PDE4D: variants seen among roughly 807,000 people sequenced by gnomAD.
PDE4D encodes phosphodiesterase 4D, also known as 3',5'-cyclic-AMP phosphodiesterase 4D.
PDE4D carries 24 observed loss-of-function variants against 87.4 expected under a neutral mutation model. The ratio of observed to expected loss-of-function variants is 0.27; its 90% confidence interval spans 0.20 to 0.39. PDE4D has a LOEUF of 0.39. PDE4D is among the 10% of genes least tolerant of loss of function. PDE4D has a pLI of 1.00. For synonymous variants in PDE4D, 384 were observed against 383.2 expected (o/e 1.00, Z -0.02); for missense variants, 714 against 1,041.0 (o/e 0.69, Z 4.32).
chr5:59,378,183 G>C (rs1485149967), intron 1 of PDE4D, among the ~76,000 whole-genome samples: 1 of 152,176 alleles, frequency 6.6e-6, no homozygotes, highest in Non-Finnish European at 1.5e-5. Context: ...TGCAAGAACA[G>C]AAAACCAAAT....
intron 1 of PDE4D, among the ~76,000 whole-genome samples, chr5:59,233,219 T>C (rs1755638454): frequency 6.6e-6 from 1 of 152,192 alleles, no homozygotes; most frequent in Admixed American, 6.6e-5. Context: ...AGGTGCTGGA[T>C]ACCCTAAATA....
chr5:59,329,924 T>A (rs1330401837), intron 1 of PDE4D, among the ~76,000 whole-genome samples: 4 of 152,212 alleles, frequency 2.6e-5, no homozygotes, highest in Non-Finnish European at 4.4e-5. Context: ...TTTGCAGATA[T>A]ATGACATTAA....
chr5:59,640,330 C>CT (rs1447979635), intron 1 of PDE4D, among the ~76,000 whole-genome samples: 5 of 152,250 alleles, frequency 3.3e-5, no homozygotes, highest in Non-Finnish European at 4.4e-5. Flanking sequence ...GACTCTGGAG[C>CT]CGGAGTTCTT....
At chr5:60,418,256 T>C (rs1742788936) in intron 1 of PDE4D, among the ~76,000 whole-genome samples, 2 of 152,212 alleles carry the variant, frequency 1.3e-5, no homozygotes, top group African/African-American at 4.8e-5. Flanking sequence ...AGACTGTGCA[T>C]TTGAAAGACA....
At chr5:59,039,320 C>G in intron 5 of PDE4D, 1 of 1,042,600 alleles carries the variant, frequency 9.6e-7, no homozygotes, top group Non-Finnish European at 1.2e-6. Flanking sequence ...AGTCCAGGAG[C>G]CCGGCTCTAG....
intron 1 of PDE4D, among the ~76,000 whole-genome samples, chr5:59,559,024 G>A (rs771147303): frequency 2.0e-5 from 3 of 151,690 alleles, no homozygotes; most frequent in African/African-American, 4.8e-5. Context: ...ATGGCAATAG[G>A]TAGAAAGAGA....
intron 1 of PDE4D, among the ~76,000 whole-genome samples, chr5:60,493,735 C>T (rs1206359520): frequency 1.3e-5 from 2 of 152,148 alleles, no homozygotes; most frequent in African/African-American, 4.8e-5. Context: ...CACACAGAGC[C>T]ATGTTTCTGC....
chr5:59,040,399 T>C (rs1759476719), intron 5 of PDE4D, among the ~76,000 whole-genome samples: 1 of 152,174 alleles, frequency 6.6e-6, no homozygotes. Context: ...GTAAGGAGAA[T>C]TTACGCATGT....
At chr5:60,449,134 C>G (rs1311150678) in intron 1 of PDE4D, among the ~76,000 whole-genome samples, 1 of 133,234 alleles carries the variant, frequency 7.5e-6, no homozygotes, top group Non-Finnish European at 1.5e-5. Flanking sequence ...GAGTTAAACA[C>G]AGAAACCATT....
At chr5:60,474,200 A>G (rs1332790196) in intron 1 of PDE4D, among the ~76,000 whole-genome samples, 1 of 143,054 alleles carries the variant, frequency 7.0e-6, no homozygotes, top group East Asian at 2.1e-4. Flanking sequence ...TTTATTGCTT[A>G]TAGTTCTGAG....
At chr5:60,328,179 C>T (rs889037644) in intron 1 of PDE4D, among the ~76,000 whole-genome samples, 1 of 152,130 alleles carries the variant, frequency 6.6e-6, no homozygotes, top group Non-Finnish European at 1.5e-5. Context: ...CATTTGACCT[C>T]CTTCCATACA....
At chr5:59,126,362 C>T (rs970630829) in intron 5 of PDE4D, among the ~76,000 whole-genome samples, 7 of 152,150 alleles carry the variant, frequency 4.6e-5, no homozygotes, top group South Asian at 2.1e-4. Context: ...GTAAGCAAGA[C>T]GGGTTAAGAG....
At chr5:59,481,018 T>G (rs1804156752) in intron 1 of PDE4D, among the ~76,000 whole-genome samples, 1 of 152,166 alleles carries the variant, frequency 6.6e-6, no homozygotes, top group East Asian at 1.9e-4. Context: ...CTGAAGGCTC[T>G]TTGTCTCTAT....
intron 1 of PDE4D, among the ~76,000 whole-genome samples, chr5:59,534,313 T>C (rs1249574566): frequency 6.6e-6 from 1 of 152,190 alleles, no homozygotes; most frequent in Non-Finnish European, 1.5e-5. Context: ...TATGGGTATT[T>C]TCCCCTGCGA....
chr5:59,779,051 A>C (rs1329915677), intron 1 of PDE4D, among the ~76,000 whole-genome samples: 1 of 151,916 alleles, frequency 6.6e-6, no homozygotes. Flanking sequence ...AATCCCAGCT[A>C]TTTGGGAGGC....
chr5:59,461,614 C>G (rs1800796011), intron 1 of PDE4D, among the ~76,000 whole-genome samples: 1 of 152,186 alleles, frequency 6.6e-6, no homozygotes, highest in African/African-American at 2.4e-5. Flanking sequence ...ACAGCCTGAA[C>G]TTCATAATTT....
intron 2 of PDE4D, among the ~76,000 whole-genome samples, chr5:59,993,460 TAGA>T (rs1763211443): frequency 6.6e-6 from 1 of 152,176 alleles, no homozygotes; most frequent in African/African-American, 2.4e-5. Flanking sequence ...TAAAATAATG[TAGA>T]AGAATACGTA....
rs554914598 is a variant in PDE4D at position 60,333,752 on chromosome 5, C to T, written c.-89-148065G>A. Among the ~76,000 whole-genome samples the T allele has an allele frequency of 3.9e-5, 6 of 152,304 alleles. 1 individual carries two copies. Among genetic ancestry groups the T allele is most frequent in the African/African-American group, 1.4e-4 (6 of 41,564 alleles). ...CATCCACACCTGTTGTTACAACTTT[C>T]CATTTGATTGCAAATAATTCCAATT... On this transcript the variant is annotated intron_variant, in intron 1 of 16. Coordinates refer to the PDE4D transcript ENST00000502484.
rs189781062 is a variant in PDE4D, at chr5:60,426,757, T to C, written c.-90+61185A>G. 1.3e-3 allele frequency among the ~76,000 whole-genome samples: 193 copies of C among 152,254 alleles called. 1 individual carries two copies. The highest frequency in any genetic ancestry group is 2.1e-3 in the Non-Finnish European group (142 of 68,014). On this transcript the variant is annotated intron_variant, in intron 1 of 16. Coordinates refer to the PDE4D transcript ENST00000502484. The stretch of plus-strand genomic sequence containing the variant: ...AACAAATCTCAAAATTACCCAGATA[T>C]GTCCAAACAAAGAATCTAAAGCAGC...
Sources: allele counts gnomAD v4.1 joint callset (sites outside exome capture counted in the v4.1 genomes callset), GRCh38; gene constraint gnomAD v4.1.1; transcripts MANE v1.5; gene names NCBI Gene and HGNC (gene_info 2026-07-23, HGNC 2026-07-21).